SYN2: variants seen among roughly 807,000 people sequenced by gnomAD.
SYN2 encodes synapsin-2.
SYN2 carries 19 observed loss-of-function variants against 50.9 expected under a neutral mutation model. The observed-to-expected ratio is 0.37, with a 90% CI of 0.26 to 0.55. The LOEUF is 0.55. SYN2 is among the 20% of genes least tolerant of loss of function. SYN2 has a pLI of 0.81. For missense variants in SYN2, 587 were observed against 576.4 expected, an observed-to-expected ratio of 1.02 and a Z score of -0.19; for synonymous variants, 255 against 224.9, an observed-to-expected ratio of 1.13 and a Z score of -1.20.
intron 1 of SYN2, among the ~76,000 whole-genome samples, chr3:12,033,197 G>A (rs1339059495): frequency 1.3e-5 from 2 of 151,988 alleles, no homozygotes; most frequent in African/African-American, 4.8e-5. Flanking sequence ...CTGCTCGGGG[G>A]TCAGGGGTCA....
chr3:12,046,324 C>T (rs1355106152), intron 1 of SYN2, among the ~76,000 whole-genome samples: 1 of 152,112 alleles, frequency 6.6e-6, no homozygotes, highest in East Asian at 1.9e-4. Context: ...AGGAGAGCAA[C>T]ATCCTGGGAG....
At chr3:12,133,614 C>T (rs1696835114) in intron 1 of SYN2, among the ~76,000 whole-genome samples, 1 of 152,136 alleles carries the variant, frequency 6.6e-6, no homozygotes, top group African/African-American at 2.4e-5. Context: ...CTGCCAAGTG[C>T]CAGTAAAATA....
chr3:12,063,893 T>C (rs1012535263), intron 1 of SYN2, among the ~76,000 whole-genome samples: 11 of 152,044 alleles, frequency 7.2e-5, no homozygotes, highest in African/African-American at 2.7e-4. Flanking sequence ...TATGTAGATA[T>C]TCTGCATCAA....
chr3:12,110,683 G>C (rs1052984927), intron 1 of SYN2, among the ~76,000 whole-genome samples: 1 of 152,312 alleles, frequency 6.6e-6, no homozygotes, highest in South Asian at 2.1e-4. Flanking sequence ...CTCTGGCCCG[G>C]CCCATGAAAC....
intron 1 of SYN2, among the ~76,000 whole-genome samples, chr3:12,056,169 GTT>G (rs963074533): frequency 7.0e-6 from 1 of 143,412 alleles, no homozygotes. Flanking sequence ...GTTGTGTTTT[GTT>G]TTTTTTTTTT....
chr3:12,029,879 TG>T (rs1694344795), intron 1 of SYN2, among the ~76,000 whole-genome samples: 1 of 103,318 alleles, frequency 9.7e-6, no homozygotes, highest in African/African-American at 5.0e-5. Flanking sequence ...TTCTTTCTCT[TG>T]CCTGATTGCC....
chr3:12,034,523 C>T (rs563478634), intron 1 of SYN2, among the ~76,000 whole-genome samples: 1 of 152,280 alleles, frequency 6.6e-6, no homozygotes, highest in East Asian at 1.9e-4. Flanking sequence ...AAACATGTTT[C>T]TCACAGTTGT....
In SYN2 at chr3:12,190,587, A is replaced by G; in HGVS notation, c.1711A>G (p.Ser571Gly). The change falls in exon 13 of 13, where the codon AGC becomes GGC. Residue 571 changes from serine (S) to glycine (G), a missense_variant. By Grantham distance (56) the Ser-to-Gly change is moderately conservative. Coordinates refer to ENST00000621198, the MANE Select transcript of SYN2 (RefSeq NM_133625.6). ...TGAAGCCAAAGCAGAGACCATCCGGAGCTTGAGGAAGTCCTTTGCCAGCCT... is the reference window on the plus strand; with the variant it reads ...TGAAGCCAAAGCAGAGACCATCCGGGGCTTGAGGAAGTCCTTTGCCAGCCT... ...EDEAKAETIR[S>G]LRKSFASLFS... is the part of the protein sequence containing the mutation. 1.2e-6 allele frequency: 2 copies of G among 1,613,144 alleles called. No homozygotes were observed. Among genetic ancestry groups the G allele is most frequent in the Non-Finnish European group, 1.7e-6 (2 of 1,179,476 alleles).
chr3:12,065,181 TAAGAA>T (rs1385541940), intron 1 of SYN2, among the ~76,000 whole-genome samples: 1 of 152,052 alleles, frequency 6.6e-6, no homozygotes, highest in African/African-American at 2.4e-5. Context: ...GAATGGCTAT[TAAGAA>T]AAGTCAAAAA....
At chr3:12,024,546 TC>T (rs1415422013) in intron 1 of SYN2, among the ~76,000 whole-genome samples, 1 of 152,202 alleles carries the variant, frequency 6.6e-6, no homozygotes, top group Non-Finnish European at 1.5e-5. Flanking sequence ...CAGTAGAAAC[TC>T]TTTTTGTGTC....
chr3:12,048,316 C>G (rs1694786217), intron 1 of SYN2, among the ~76,000 whole-genome samples: 1 of 152,092 alleles, frequency 6.6e-6, no homozygotes, highest in Non-Finnish European at 1.5e-5. Flanking sequence ...GACGGGTGTG[C>G]ACCACCATGC....
chr3:12,190,756 A>G lies in SYN2; in HGVS notation c.*131A>G. On this transcript the variant is annotated 3_prime_UTR_variant, in exon 13 of 13. Transcript: ENST00000621198. The stretch of plus-strand genomic sequence containing the variant: ...GTGGTCCCTTCCTCTGCTCTGTTGT[A>G]CTAAGTGATGTTGTGCAGCCCAGAA... The G allele has an allele frequency of 6.9e-7, 1 of 1,447,634 alleles. No individual in the cohort carries two copies. The highest frequency in any genetic ancestry group is 9.1e-7 in the Non-Finnish European group (1 of 1,104,562). The allele number at this position is 1,447,634 out of a possible 1,614,324, so 89.7% of individuals were successfully genotyped here.
At chr3:12,063,206 G>A (rs1350974108) in intron 1 of SYN2, among the ~76,000 whole-genome samples, 2 of 151,966 alleles carry the variant, frequency 1.3e-5, no homozygotes, top group Admixed American at 6.6e-5. Context: ...AACACAAAAG[G>A]TGAACCATAA....
intron 1 of SYN2, among the ~76,000 whole-genome samples, chr3:12,079,762 T>C (rs192921014): frequency 3.3e-5 from 5 of 152,198 alleles, no homozygotes; most frequent in Admixed American, 3.3e-4. Flanking sequence ...GCCTGAAGTT[T>C]TCTTTTTTTG....
At chr3:12,171,584 G>A (rs1038629833) in intron 10 of SYN2, among the ~76,000 whole-genome samples, 6 of 152,218 alleles carry the variant, frequency 3.9e-5, no homozygotes, top group South Asian at 2.1e-4. Context: ...TTATAAAAGT[G>A]TAAACTTTCA....
intron 7 of SYN2, chr3:12,165,467 T>C (rs1466253968): frequency 6.6e-6 from 1 of 152,242 alleles, no homozygotes; most frequent in Admixed American, 6.5e-5. Flanking sequence ...AATGAGCCTA[T>C]AGATGAAACA....
At chr3:12,051,117 A>G (rs1362906002) in intron 1 of SYN2, among the ~76,000 whole-genome samples, 1 of 152,236 alleles carries the variant, frequency 6.6e-6, no homozygotes, top group African/African-American at 2.4e-5. Flanking sequence ...ACAGAAAGTC[A>G]TTAGAAAATT....
At chr3:12,163,831 G>A (rs1448172799) in intron 7 of SYN2, among the ~76,000 whole-genome samples, 2 of 152,012 alleles carry the variant, frequency 1.3e-5, no homozygotes, top group Non-Finnish European at 2.9e-5. Flanking sequence ...AATCCCAGCA[G>A]TTTGGGAGGC....
intron 1 of SYN2, among the ~76,000 whole-genome samples, chr3:12,008,065 A>G (rs1011077120): frequency 6.6e-6 from 1 of 152,216 alleles, no homozygotes; most frequent in Non-Finnish European, 1.5e-5. Context: ...TTTGAAATGC[A>G]ATTAAGATTG....
Sources: allele counts gnomAD v4.1 joint callset (sites outside exome capture counted in the v4.1 genomes callset), GRCh38; gene constraint gnomAD v4.1.1; transcripts MANE v1.5; gene names NCBI Gene and HGNC (gene_info 2026-07-23, HGNC 2026-07-21).